The following ST7 variants were observed in gnomAD, a reference collection of about 807,000 sequenced individuals.
ST7 encodes suppressor of tumorigenicity 7 protein.
Under a neutral mutation model 78.7 loss-of-function variants are expected in ST7, and 28 were observed. The ratio of observed to expected loss-of-function variants is 0.36; its 90% CI spans 0.26 to 0.49. The LOEUF is 0.49. ST7 is among the 20% of genes least tolerant of loss of function. The pLI is 0.99. For synonymous variants in ST7, 247 were observed against 249.6 expected, an observed-to-expected ratio of 0.99 and a Z score of 0.10; for missense variants, 418 against 696.0, an observed-to-expected ratio of 0.60 and a Z score of 4.49.
At chr7:117,023,442 A>G (rs1796029925) in intron 1 of ST7, among the ~76,000 whole-genome samples, 1 of 152,190 alleles carries the variant, frequency 6.6e-6, no homozygotes, top group African/African-American at 2.4e-5. Flanking sequence ...GTGAATCTGA[A>G]TCTCCCACAG....
At chr7:117,013,440 G>A (rs1352618713) in intron 1 of ST7, among the ~76,000 whole-genome samples, 3 of 152,218 alleles carry the variant, frequency 2.0e-5, no homozygotes, top group East Asian at 1.9e-4. Flanking sequence ...GCTTTTGACT[G>A]TAGCAGATTG....
chr7:117,151,128 G>A (rs1385329646), intron 9 of ST7, among the ~76,000 whole-genome samples: 1 of 152,196 alleles, frequency 6.6e-6, no homozygotes, highest in African/African-American at 2.4e-5. Flanking sequence ...CCTGTATAGA[G>A]TCCATTCTGA....
chr7:117,171,946 C>CTTT (rs35780344), intron 10 of ST7, among the ~76,000 whole-genome samples: 6,920 of 132,840 alleles, frequency 0.052, 524 homozygotes, highest in African/African-American at 0.17. Flanking sequence ...CCATTTGGGT[C>CTTT]TTTTTTTTTT....
chr7:117,145,672 A>C (rs1805723594), intron 9 of ST7: 1 of 152,156 alleles, frequency 6.6e-6, no homozygotes, highest in Non-Finnish European at 1.5e-5. Flanking sequence ...TTTCTGCAGA[A>C]ACACTATTTC....
intron 9 of ST7, among the ~76,000 whole-genome samples, chr7:117,148,783 C>T (rs1481257643): frequency 6.6e-6 from 1 of 152,050 alleles, no homozygotes; most frequent in Admixed American, 6.5e-5. Context: ...AGGAGGCAAC[C>T]ATGGACATTT....
chr7:117,092,278 C>CA (rs747378081), intron 1 of ST7, among the ~76,000 whole-genome samples: 8,503 of 30,082 alleles, frequency 0.28, 1,777 homozygotes, highest in Non-Finnish European at 0.45. Context: ...GACTCCGTCT[C>CA]AAAAAAAAAA....
At chr7:117,115,997 A>G (rs1584704609) in intron 2 of ST7, among the ~76,000 whole-genome samples, 2 of 152,130 alleles carry the variant, frequency 1.3e-5, no homozygotes, top group African/African-American at 2.4e-5. Context: ...TATTTTACAC[A>G]TTAGAAAACT....
chr7:116,986,022 G>A (rs140489632), intron 1 of ST7, among the ~76,000 whole-genome samples: 1 of 152,288 alleles, frequency 6.6e-6, no homozygotes, highest in Non-Finnish European at 1.5e-5. Context: ...TAGTACAGAT[G>A]AGGTTTTGCC....
intron 1 of ST7, chr7:116,972,934 G>T: frequency 7.9e-7 from 1 of 1,259,906 alleles, no homozygotes. Flanking sequence ...GCTACTGCTC[G>T]CACTCCGATT....
chr7:117,191,009 C>A, intron 12 of ST7, 73 bp downstream of exon 12: 1 of 1,171,526 alleles, frequency 8.5e-7, no homozygotes, highest in Middle Eastern at 1.9e-4. Context: ...AGTGTTGTAT[C>A]TCAAGTACAC....
chr7:117,096,387 T>C (rs999221622), intron 1 of ST7, among the ~76,000 whole-genome samples: 29 of 152,334 alleles, frequency 1.9e-4, no homozygotes, highest in African/African-American at 6.7e-4. Flanking sequence ...AGGGGACTTA[T>C]CTAGAAAAGG....
intron 1 of ST7, among the ~76,000 whole-genome samples, chr7:116,985,174 T>G (rs1258800371): frequency 6.6e-6 from 1 of 152,172 alleles, no homozygotes; most frequent in Non-Finnish European, 1.5e-5. Context: ...TAGGGTAGGA[T>G]TTGATGAAAA....
At chr7:117,144,022 T>C (rs546896594) in intron 9 of ST7, 129 of 152,270 alleles carry the variant, frequency 8.5e-4, no homozygotes, top group Non-Finnish European at 1.7e-3. Context: ...TTTTAGAAAA[T>C]TAAAACTGAG....
At chr7:116,964,750 G>A (rs1391899108) in intron 1 of ST7, among the ~76,000 whole-genome samples, 4 of 152,138 alleles carry the variant, frequency 2.6e-5, no homozygotes, top group Admixed American at 6.5e-5. Context: ...GAGAGATGAA[G>A]CATGAGAAGC....
intron 10 of ST7, among the ~76,000 whole-genome samples, chr7:117,171,290 C>T (rs1452429886): frequency 6.6e-6 from 1 of 152,158 alleles, no homozygotes; most frequent in Non-Finnish European, 1.5e-5. Flanking sequence ...CAGAACCTCA[C>T]AGGCAGTACC....
At chr7:117,202,871 C>A (rs999912720) in intron 12 of ST7, among the ~76,000 whole-genome samples, 1 of 147,804 alleles carries the variant, frequency 6.8e-6, no homozygotes, top group Admixed American at 6.8e-5. Flanking sequence ...GTGTTTTTTT[C>A]CCCCCCTCAG....
intron 10 of ST7, among the ~76,000 whole-genome samples, chr7:117,188,701 T>C (rs1809493764): frequency 6.6e-6 from 1 of 152,162 alleles, no homozygotes; most frequent in Non-Finnish European, 1.5e-5. Flanking sequence ...AAAAATTGTG[T>C]AGTTTTCTAA....
chr7:117,163,918 T>C (rs184273027), intron 9 of ST7, among the ~76,000 whole-genome samples: 1 of 152,198 alleles, frequency 6.6e-6, no homozygotes, highest in Non-Finnish European at 1.5e-5. Flanking sequence ...TTTTATAGTC[T>C]TGGACCTTAC....
intron 12 of ST7, among the ~76,000 whole-genome samples, chr7:117,208,533 C>T (rs942099295): frequency 3.3e-5 from 5 of 152,260 alleles, no homozygotes; most frequent in Non-Finnish European, 5.9e-5. Context: ...CATGTGTTCT[C>T]CTGGCTCCTG....
Sources: allele counts gnomAD v4.1 joint callset (sites outside exome capture counted in the v4.1 genomes callset), GRCh38; gene constraint gnomAD v4.1.1; transcripts MANE v1.5; gene names NCBI Gene and HGNC (gene_info 2026-07-23, HGNC 2026-07-21).